The following TSHZ2 variants were observed in gnomAD, a reference collection of about 807,000 sequenced individuals.
TSHZ2 encodes the protein teashirt zinc finger homeobox 2, also known as teashirt homolog 2.
In TSHZ2, 21 loss-of-function variants were observed where a neutral mutation model predicts 74.4. That is an observed-to-expected ratio of 0.28 (90% CI 0.20 to 0.41). The LOEUF (loss-of-function observed/expected upper bound fraction) is 0.41, where lower values mean the gene tolerates loss of function less well. Among genes scored for constraint, TSHZ2 ranks in the 10% least tolerant of loss-of-function variants. The pLI, the probability that TSHZ2 is intolerant of heterozygous loss-of-function variation, is 1.00. For missense variants in TSHZ2, 1,244 were observed against 1,293.5 expected (o/e 0.96, Z 0.59); for synonymous variants, 540 against 515.3 (o/e 1.05, Z -0.65).
At chr20:53,407,329 G>A (rs1202795062) in intron 2 of TSHZ2, among the ~76,000 whole-genome samples, 1 of 152,028 alleles carries the variant, frequency 6.6e-6, no homozygotes, top group Non-Finnish European at 1.5e-5. Context: ...GTGACACAGT[G>A]GTCATTTTTG....
At chr20:53,436,288 T>C (rs1248051102) in intron 2 of TSHZ2, among the ~76,000 whole-genome samples, 1 of 152,170 alleles carries the variant, frequency 6.6e-6, no homozygotes, top group Non-Finnish European at 1.5e-5. Context: ...GGCTTAACGA[T>C]GAAAGGTAAT....
chr20:53,258,383 C>T (rs1990528675), intron 2 of TSHZ2, among the ~76,000 whole-genome samples: 3 of 151,994 alleles, frequency 2.0e-5, no homozygotes, highest in Admixed American at 2.0e-4. Context: ...GGGGGGCATA[C>T]AGAGAATACT....
At chr20:53,112,335 G>C (rs532214322) in intron 1 of TSHZ2, among the ~76,000 whole-genome samples, 3 of 152,296 alleles carry the variant, frequency 2.0e-5, no homozygotes, top group African/African-American at 7.2e-5. Context: ...AGCAACCACA[G>C]AGCCCCTTCT....
At chr20:53,186,292 G>T (rs1988597951) in intron 1 of TSHZ2, among the ~76,000 whole-genome samples, 1 of 152,132 alleles carries the variant, frequency 6.6e-6, no homozygotes, top group African/African-American at 2.4e-5. Flanking sequence ...TTTAGAGCTG[G>T]GTATTAAAGA....
At chr20:53,354,354 A>G (rs1478162137) in intron 2 of TSHZ2, among the ~76,000 whole-genome samples, 1 of 152,200 alleles carries the variant, frequency 6.6e-6, no homozygotes, top group Non-Finnish European at 1.5e-5. Flanking sequence ...TCTTTCTTTT[A>G]GGAGATCTTC....
intron 2 of TSHZ2, among the ~76,000 whole-genome samples, chr20:53,316,219 C>G (rs147939240): frequency 6.6e-6 from 1 of 152,150 alleles, no homozygotes; most frequent in Admixed American, 6.5e-5. Flanking sequence ...GAGGCACAAA[C>G]GGAAATCTCA....
In TSHZ2 at chr20:52,987,774, A is replaced by AC. The variant is rs201767028; in HGVS notation, c.40+14441_40+14442insC. On this transcript the variant is annotated intron_variant, in intron 1 of 2. Transcript: ENST00000371497. ...TAAGAAGGAGAAAGACAAGCAATCCAGAAAATAATTTAAGAGGGCTTTGTC... is the reference window on the plus strand; with the variant it reads ...TAAGAAGGAGAAAGACAAGCAATCCACGAAAATAATTTAAGAGGGCTTTGTC... Among the ~76,000 whole-genome samples, 833 of 152,324 alleles carry AC rather than the reference A, an allele frequency of 5.5e-3. 9 individuals are homozygous for AC. Among genetic ancestry groups the AC allele is most frequent in the African/African-American group, 0.019 (782 of 41,564 alleles).
intron 1 of TSHZ2, among the ~76,000 whole-genome samples, chr20:53,041,220 G>A (rs548093531): frequency 2.4e-4 from 36 of 152,334 alleles, no homozygotes; most frequent in South Asian, 1.9e-3. Context: ...AGGCCTTGGC[G>A]TTGCCAAGTT....
At chr20:53,179,348 A>G (rs1988419353) in intron 1 of TSHZ2, 1 of 152,224 alleles carries the variant, frequency 6.6e-6, no homozygotes, top group Admixed American at 6.5e-5. Context: ...GAAAACATTT[A>G]GAAATATTCA....
At chr20:53,156,204 A>C (rs976450291) in intron 1 of TSHZ2, among the ~76,000 whole-genome samples, 2 of 152,310 alleles carry the variant, frequency 1.3e-5, no homozygotes, top group East Asian at 3.9e-4. Flanking sequence ...TTTTACCCAT[A>C]TCTCTATCAG....
chr20:53,482,098 C>A (rs1986164830), intron 2 of TSHZ2, among the ~76,000 whole-genome samples: 2 of 114,146 alleles, frequency 1.8e-5, no homozygotes, highest in Admixed American at 1.1e-4. Context: ...AAGAGCGAAA[C>A]TCCATCTCAT....
At chr20:53,149,305 G>A (rs1987619911) in intron 1 of TSHZ2, among the ~76,000 whole-genome samples, 1 of 152,012 alleles carries the variant, frequency 6.6e-6, no homozygotes. Context: ...TGCGGAAGCT[G>A]TGGGAAGAGG....
At chr20:53,280,748 A>G (rs1203110755) in intron 2 of TSHZ2, among the ~76,000 whole-genome samples, 2 of 151,956 alleles carry the variant, frequency 1.3e-5, no homozygotes, top group African/African-American at 4.8e-5. Flanking sequence ...GCTGGAGTAC[A>G]GTGGCGCGAT....
chr20:53,192,670 C>A (rs946228655), intron 1 of TSHZ2, among the ~76,000 whole-genome samples: 8 of 151,972 alleles, frequency 5.3e-5, no homozygotes, highest in African/African-American at 1.9e-4. Flanking sequence ...TGGGTGTCTC[C>A]TGACAGAAGA....
At chr20:52,998,663 A>G (rs1425900947) in intron 1 of TSHZ2, among the ~76,000 whole-genome samples, 4 of 152,182 alleles carry the variant, frequency 2.6e-5, no homozygotes, top group African/African-American at 9.7e-5. Flanking sequence ...TTCTTGGTTT[A>G]GTTAATTTCT....
intron 1 of TSHZ2, among the ~76,000 whole-genome samples, chr20:53,068,429 A>AT (rs1375759610): frequency 4.6e-5 from 7 of 151,918 alleles, no homozygotes; most frequent in Non-Finnish European, 1.0e-4. Context: ...ACTTTAGGAA[A>AT]TTTTTTTGCA....
intron 2 of TSHZ2, among the ~76,000 whole-genome samples, chr20:53,384,097 A>G (rs1981959649): frequency 6.6e-6 from 1 of 152,184 alleles, no homozygotes; most frequent in Non-Finnish European, 1.5e-5. Flanking sequence ...CCCCAGAGAC[A>G]AAAATGCAAG....
At chr20:53,276,244 A>C in intron 2 of TSHZ2, among the ~76,000 whole-genome samples, 1 of 145,154 alleles carries the variant, frequency 6.9e-6, no homozygotes. Flanking sequence ...TGGCTCTTTC[A>C]TTTTTTTTTT....
At position 53,215,523 on chromosome 20, in the gene TSHZ2, A is replaced by AT. The variant is rs1476466517; in HGVS notation, c.41-37966dup. Among the ~76,000 whole-genome samples, 71 of 145,852 alleles carry AT rather than the reference A, an allele frequency of 4.9e-4. 2 individuals are homozygous for AT. Among genetic ancestry groups the AT allele is most frequent in the Admixed American group, 8.4e-4 (12 of 14,332 alleles). ...GAGTTCCATCATGGAGGCATCCTAG[A>AT]TTTTTTTTTTGCCTTTGGGAGGGGA... On this transcript the variant is annotated intron_variant, in intron 1 of 2. Coordinates refer to ENST00000371497, the MANE Select transcript of TSHZ2 (RefSeq NM_173485.6).
Sources: allele counts gnomAD v4.1 joint callset (sites outside exome capture counted in the v4.1 genomes callset), GRCh38; gene constraint gnomAD v4.1.1; transcripts MANE v1.5; gene names NCBI Gene and HGNC (gene_info 2026-07-23, HGNC 2026-07-21).